RIMBP2: variants seen among roughly 807,000 people sequenced by gnomAD.
RIMBP2 encodes the protein RIMS-binding protein 2.
A neutral mutation model predicts 118.6 loss-of-function variants in RIMBP2; 48 were observed. That is an observed-to-expected ratio of 0.40 (90% CI 0.32 to 0.51). The LOEUF is 0.51. Ranked by LOEUF, RIMBP2 falls within the 20% of genes least tolerant of loss-of-function variation. RIMBP2 has a pLI of 0.41. For synonymous variants in RIMBP2, 762 were observed against 742.9 expected (o/e 1.03, Z -0.42); for missense variants, 1,551 against 1,768.3 (o/e 0.88, Z 2.20).
chr12:130,611,311 C>T (rs953888252), intron 2 of RIMBP2, among the ~76,000 whole-genome samples: 3 of 152,262 alleles, frequency 2.0e-5, no homozygotes, highest in African/African-American at 7.2e-5. Flanking sequence ...TCTCCAGGAG[C>T]CGCCTTCTCC....
chr12:130,532,461 G>C (rs551997779), intron 2 of RIMBP2, among the ~76,000 whole-genome samples: 1 of 149,626 alleles, frequency 6.7e-6, no homozygotes, highest in East Asian at 2.0e-4. Flanking sequence ...AATGAGATGC[G>C]TGTGTTCAGC....
At chr12:130,492,437 G>GA (rs375886791) in intron 4 of RIMBP2, among the ~76,000 whole-genome samples, 18 of 150,806 alleles carry the variant, frequency 1.2e-4, no homozygotes, top group East Asian at 1.2e-3. Flanking sequence ...TCCTTTGGGG[G>GA]AAAAAAAAAG....
chr12:130,558,508 C>T (rs2056551310), intron 2 of RIMBP2, among the ~76,000 whole-genome samples: 1 of 152,112 alleles, frequency 6.6e-6, no homozygotes, highest in Admixed American at 6.5e-5. Context: ...CCACTCAAGT[C>T]AGGCTAAGGG....
At chr12:130,522,409 C>G (rs1045603028) in intron 2 of RIMBP2, among the ~76,000 whole-genome samples, 1 of 152,200 alleles carries the variant, frequency 6.6e-6, no homozygotes, top group South Asian at 2.1e-4. Context: ...AGGGCAGCTG[C>G]GACCCTGTCC....
intron 4 of RIMBP2, among the ~76,000 whole-genome samples, chr12:130,506,381 C>G (rs551533102): frequency 2.0e-5 from 3 of 152,160 alleles, no homozygotes; most frequent in African/African-American, 7.2e-5. Flanking sequence ...GTGTGCCTGC[C>G]ACTGCACAGC....
chr12:130,423,691 CT>C (rs34775409), intron 16 of RIMBP2, among the ~76,000 whole-genome samples: 10,986 of 98,988 alleles, frequency 0.11, 629 homozygotes, highest in African/African-American at 0.18. Context: ...TTTCTTCAAT[CT>C]TTTTTTTTTT....
chr12:130,532,195 GTGTGTGTAGCCTCTAGGAGT>G lies in RIMBP2; in HGVS notation c.-216-14298_-216-14279del, dbSNP rs1266668691. Among the ~76,000 whole-genome samples, 68 of 145,948 alleles carry G rather than the reference GTGTGTGTAGCCTCTAGGAGT, an allele frequency of 4.7e-4. 1 individual carries two copies. Among genetic ancestry groups the G allele is most frequent in the Non-Finnish European group, 3.9e-4 (26 of 66,370 alleles). ...CTAGGAGGTACGTCTAATGAGATGC[GTGTGTGTAGCCTCTAGGAGT>G]TACGTCTAATGAGATGCGTGTGTTT... is the stretch of plus-strand genomic sequence containing the variant. On this transcript the variant is annotated intron_variant, in intron 2 of 22. Transcript: ENST00000690449.
chr12:130,663,603 G>T (rs1188900471), intron 1 of RIMBP2, among the ~76,000 whole-genome samples: 2 of 151,750 alleles, frequency 1.3e-5, no homozygotes, highest in Non-Finnish European at 2.9e-5. Flanking sequence ...CCTGTAAGAA[G>T]AGAAATGCAA....
At position 130,621,846 on chromosome 12, in the gene RIMBP2, T is replaced by TG. The variant is rs1401155799; in HGVS notation, c.-217+6475dup. ...TTGAAGGTAAACCTGGAGCCATCGC[T>TG]GAACCCAGCCTGGTACTGAGGCCAG... On this transcript the variant is annotated intron_variant, in intron 2 of 22. Transcript: ENST00000690449. The surrounding 1 kb of genome is among the most constrained non-coding windows in gnomAD (Gnocchi z 6.6). Among the ~76,000 whole-genome samples the TG allele has an allele frequency of 6.6e-6, 1 of 152,188 alleles. No homozygotes were observed. The highest frequency in any genetic ancestry group is 2.4e-5 in the African/African-American group (1 of 41,448).
chr12:130,607,322 G>C (rs2060250831), intron 2 of RIMBP2, among the ~76,000 whole-genome samples: 2 of 152,126 alleles, frequency 1.3e-5, no homozygotes, highest in African/African-American at 4.8e-5. Flanking sequence ...TTTCCAGGCG[G>C]GGAGAAAGGG....
chr12:130,628,415 C>G lies in RIMBP2; in HGVS notation c.-310G>C, dbSNP rs1046436173. On this transcript the variant is annotated 5_prime_UTR_variant, in exon 2 of 23. Transcript: ENST00000690449. ...AAGCTTGGGTCTGATCGAATGTGGC[C>G]TCAGCACCTGCAGGCTTCAGGTGTG... is the stretch of plus-strand genomic sequence containing the variant. The G allele has an allele frequency of 2.6e-5, 4 of 152,202 alleles. No individual in the cohort carries two copies. Among genetic ancestry groups the G allele is most frequent in the African/African-American group, 9.7e-5 (4 of 41,446 alleles). The allele number at this position is 152,202 out of a possible 1,614,324, so 9.4% of individuals were successfully genotyped here.
intron 2 of RIMBP2, among the ~76,000 whole-genome samples, chr12:130,602,371 G>A (rs888922651): frequency 6.6e-6 from 1 of 152,222 alleles, no homozygotes; most frequent in African/African-American, 2.4e-5. Flanking sequence ...CAGCATCATA[G>A]GTGGGGCTGG....
At chr12:130,550,373 AC>A (rs1298901046) in intron 2 of RIMBP2, among the ~76,000 whole-genome samples, 3 of 152,360 alleles carry the variant, frequency 2.0e-5, no homozygotes, top group African/African-American at 7.2e-5. Flanking sequence ...CAGCCCAGGA[AC>A]ATTTTTATTT....
chr12:130,704,221 A>C (rs1278772600), intron 1 of RIMBP2, among the ~76,000 whole-genome samples: 3 of 152,078 alleles, frequency 2.0e-5, no homozygotes, highest in Non-Finnish European at 4.4e-5. Context: ...GGGCCCTGGC[A>C]ACTCAACCCG....
In RIMBP2 at chr12:130,622,262, A is replaced by AG. The variant is rs1424405930; in HGVS notation, c.-217+6059dup. Among the ~76,000 whole-genome samples, 1 of 152,158 alleles carries AG rather than the reference A, an allele frequency of 6.6e-6. No homozygotes were observed. The highest frequency in any genetic ancestry group is 1.5e-5 in the Non-Finnish European group (1 of 68,044). ...TGAAGCCCCCACAAGGCTGCATAGG[A>AG]GGTTCCGGGGAACAGAGTCCCCAAA... is the stretch of plus-strand genomic sequence containing the variant. On this transcript the variant is annotated intron_variant, in intron 2 of 22. Transcript: ENST00000690449. The surrounding 1 kb of genome is among the most constrained non-coding windows in gnomAD (Gnocchi z 8.5).
At chr12:130,480,233 A>ACACACACACC in intron 4 of RIMBP2, among the ~76,000 whole-genome samples, 1 of 109,248 alleles carries the variant, frequency 9.2e-6, no homozygotes, top group African/African-American at 2.8e-5. Context: ...ACACACACAC[A>ACACACACACC]CACCTGTGGT....
intron 1 of RIMBP2, among the ~76,000 whole-genome samples, chr12:130,691,777 G>C (rs1458239782): frequency 1.3e-5 from 2 of 152,306 alleles, no homozygotes; most frequent in Non-Finnish European, 1.5e-5. Context: ...ACATGGTAGG[G>C]GTGCCAGCAC....
chr12:130,650,958 TA>T (rs397700189), intron 1 of RIMBP2, among the ~76,000 whole-genome samples: 3,677 of 125,590 alleles, frequency 0.029, 111 homozygotes, highest in African/African-American at 0.079. Flanking sequence ...TTGTTTTTTT[TA>T]AAAAAAAAAA....
intron 1 of RIMBP2, among the ~76,000 whole-genome samples, chr12:130,701,741 C>T (rs1025091851): frequency 1.3e-5 from 2 of 152,096 alleles, no homozygotes; most frequent in African/African-American, 2.4e-5. Context: ...TCTTCAAGAT[C>T]TTTGGGCCAA....
Sources: allele counts gnomAD v4.1 joint callset (sites outside exome capture counted in the v4.1 genomes callset), GRCh38; gene constraint gnomAD v4.1.1; non-coding constraint Gnocchi (gnomAD v3.1); transcripts MANE v1.5; gene names NCBI Gene and HGNC (gene_info 2026-07-23, HGNC 2026-07-21).